The following ARHGEF26 variants were observed in gnomAD, a reference collection of about 807,000 sequenced individuals.
The protein encoded by ARHGEF26 is Rho guanine nucleotide exchange factor 26, also known as Rho guanine nucleotide exchange factor (GEF) 26.
A neutral mutation model predicts 89.4 loss-of-function variants in ARHGEF26; 59 were observed. That is an observed-to-expected ratio of 0.66 (90% confidence interval 0.54 to 0.82). The LOEUF (loss-of-function observed/expected upper bound fraction) is 0.82. Ranked by LOEUF, ARHGEF26 falls within the 40% of genes least tolerant of loss-of-function variation. The pLI is 0.00. For missense variants in ARHGEF26, 1,234 were observed against 1,085.6 expected (o/e 1.14, Z -1.92); for synonymous variants, 500 against 428.4 (o/e 1.17, Z -2.06).
In ARHGEF26 at chr3:154,122,178, G is replaced by T; in HGVS notation, c.186G>T (p.Ala62=). 1 of 1,599,224 alleles carries T rather than the reference G, an allele frequency of 6.3e-7. No homozygotes were observed. The highest frequency in any genetic ancestry group is 8.5e-7 in the Non-Finnish European group (1 of 1,173,138). The change falls in exon 2 of 15, where the codon GCG becomes GCT. Residue 62 remains alanine, a synonymous_variant. Coordinates refer to ENST00000465093, the MANE Select transcript of ARHGEF26 (RefSeq NM_015595.4). ...AGGACGGAGGGACGCTCCTCGCAGC[G>T]CAGATTCCCGCCCAGGTGCCCACCG... The part of the protein sequence containing the change: ...PVEDGGTLLA[A]QIPAQVPTAS...
intron 6 of ARHGEF26, among the ~76,000 whole-genome samples, chr3:154,166,852 A>C (rs1197317003): frequency 6.6e-6 from 1 of 152,168 alleles, no homozygotes; most frequent in Admixed American, 6.5e-5. Context: ...AAAAGTATGC[A>C]CTGAGAAACA....
intron 14 of ARHGEF26, 108 bp downstream of exon 14, chr3:154,254,932 TTAA>T: frequency 1.1e-6 from 1 of 922,392 alleles, no homozygotes; most frequent in African/African-American, 1.6e-5. Flanking sequence ...TCTTGACATG[TTAA>T]TGTTTGAGAT....
intron 6 of ARHGEF26, among the ~76,000 whole-genome samples, chr3:154,178,774 T>C (rs1457192728): frequency 1.3e-5 from 2 of 152,186 alleles, no homozygotes; most frequent in Admixed American, 6.5e-5. Context: ...ATGGAAACTA[T>C]GTTTAACATT....
rs148332491 is a variant in ARHGEF26 at position 154,215,788 on chromosome 3, G to C, written c.1846-2081G>C. Among the ~76,000 whole-genome samples, 33 of 152,142 alleles carry C rather than the reference G, an allele frequency of 2.2e-4. No homozygotes were observed. The East Asian group carries it at 6.2e-3, about 29-fold the overall frequency. On this transcript the variant is annotated intron_variant, in intron 9 of 14. Transcript: ENST00000465093. ...ATAAGGGCACTAATCCCATTCATGA[G>C]GACTCTACTCTCATGACCTAATAAC... is the stretch of plus-strand genomic sequence containing the variant.
chr3:154,215,403 T>A (rs1459528490), intron 9 of ARHGEF26, among the ~76,000 whole-genome samples: 3 of 152,134 alleles, frequency 2.0e-5, no homozygotes, highest in African/African-American at 7.2e-5. Flanking sequence ...TGTGATTTTT[T>A]TTTTTTTGCC....
intron 11 of ARHGEF26, among the ~76,000 whole-genome samples, chr3:154,238,854 C>T (rs1348341864): frequency 1.1e-4 from 16 of 152,066 alleles, no homozygotes; most frequent in Non-Finnish European, 2.1e-4. Context: ...TGTGATTTAA[C>T]TGGGTACCAA....
intron 11 of ARHGEF26, among the ~76,000 whole-genome samples, chr3:154,229,712 GTC>G (rs1319987235): frequency 6.6e-6 from 1 of 152,098 alleles, no homozygotes; most frequent in Non-Finnish European, 1.5e-5. Flanking sequence ...AACCAAAAAT[GTC>G]TCTGGACGTT....
intron 11 of ARHGEF26, among the ~76,000 whole-genome samples, chr3:154,237,819 C>G (rs1458279727): frequency 6.6e-6 from 1 of 152,180 alleles, no homozygotes; most frequent in Non-Finnish European, 1.5e-5. Flanking sequence ...TAGGTTGCTT[C>G]CATTTCTCTT....
chr3:154,213,896 T>G (rs1339065308), intron 9 of ARHGEF26, among the ~76,000 whole-genome samples: 2 of 152,156 alleles, frequency 1.3e-5, no homozygotes, highest in Admixed American at 6.5e-5. Context: ...GGGCGTTAGG[T>G]GCTATATTGG....
intron 6 of ARHGEF26, among the ~76,000 whole-genome samples, chr3:154,162,183 G>C (rs1162901432): frequency 6.6e-6 from 1 of 152,120 alleles, no homozygotes; most frequent in Non-Finnish European, 1.5e-5. Flanking sequence ...ACCATTACAT[G>C]GATTTTTGAC....
At chr3:154,124,584 A>C in intron 3 of ARHGEF26, 135 bp downstream of exon 3, 3 of 786,782 alleles carry the variant, frequency 3.8e-6, no homozygotes, top group Non-Finnish European at 5.7e-6. Flanking sequence ...ATACAGTCCA[A>C]AGCTTCTCAC....
chr3:154,178,740 T>G (rs1219764414), intron 6 of ARHGEF26, among the ~76,000 whole-genome samples: 1 of 152,182 alleles, frequency 6.6e-6, no homozygotes, highest in Non-Finnish European at 1.5e-5. Flanking sequence ...GGGTATATAC[T>G]TAGGAGTGGA....
At chr3:154,145,913 T>C (rs1009105245) in intron 4 of ARHGEF26, among the ~76,000 whole-genome samples, 1 of 152,184 alleles carries the variant, frequency 6.6e-6, no homozygotes, top group Non-Finnish European at 1.5e-5. Context: ...AAGTTTATAG[T>C]TCTTTTACAC....
rs750924785 is a variant in ARHGEF26 at position 154,194,734 on chromosome 3, CAGTT to C, written c.1845+17_1845+20del. ...AGTTAGCAAGGTAACTGTTGGGTGA[CAGTT>C]TGTTTGTAAGACAGGAAACCATTCA... On this transcript the variant is annotated intron_variant, in intron 9 of 14. Coordinates refer to ENST00000465093, the MANE Select transcript of ARHGEF26 (RefSeq NM_015595.4). 1.8e-5 allele frequency: 29 copies of C among 1,605,404 alleles called. No individual in the cohort carries two copies. The highest frequency in any genetic ancestry group is 1.7e-4 in the Middle Eastern group (1 of 6,052).
intron 12 of ARHGEF26, among the ~76,000 whole-genome samples, chr3:154,252,191 A>G (rs1050417589): frequency 2.0e-5 from 3 of 152,156 alleles, no homozygotes; most frequent in African/African-American, 7.2e-5. Context: ...TTAAGAATGT[A>G]GAGTGGCACA....
chr3:154,167,310 G>A (rs1294702143), intron 6 of ARHGEF26, among the ~76,000 whole-genome samples: 1 of 152,118 alleles, frequency 6.6e-6, no homozygotes, highest in East Asian at 1.9e-4. Flanking sequence ...GAGACCTGGT[G>A]GGATAAACAC....
chr3:154,161,369 A>C (rs1711654580), intron 6 of ARHGEF26, among the ~76,000 whole-genome samples: 1 of 152,032 alleles, frequency 6.6e-6, no homozygotes, highest in Non-Finnish European at 1.5e-5. Flanking sequence ...TTAAATCTTA[A>C]GTTTCTTTCT....
At chr3:154,232,248 T>C (rs1716871860) in intron 11 of ARHGEF26, among the ~76,000 whole-genome samples, 1 of 152,182 alleles carries the variant, frequency 6.6e-6, no homozygotes. Context: ...TGGTGACCCT[T>C]GGTGACAGGG....
intron 9 of ARHGEF26, among the ~76,000 whole-genome samples, chr3:154,206,149 C>T (rs1223725699): frequency 2.6e-5 from 4 of 151,956 alleles, no homozygotes; most frequent in Non-Finnish European, 5.9e-5. Flanking sequence ...AGGATATTTT[C>T]ACTGGATATA....
Sources: allele counts gnomAD v4.1 joint callset (sites outside exome capture counted in the v4.1 genomes callset), GRCh38; gene constraint gnomAD v4.1.1; transcripts MANE v1.5; gene names NCBI Gene and HGNC (gene_info 2026-07-23, HGNC 2026-07-21).